Variants in PIK3C3 observed in about 807,000 individuals in gnomAD.
PIK3C3 encodes the protein PI3-kinase type 3.
In PIK3C3, 95 loss-of-function variants were observed where a neutral mutation model predicts 126.1. The ratio of observed to expected loss-of-function variants is 0.75; its 90% CI spans 0.64 to 0.89. PIK3C3 has a LOEUF of 0.89. PIK3C3 is among the 40% of genes least tolerant of loss of function. PIK3C3 has a pLI of 0.00. For missense variants in PIK3C3, 829 were observed against 1,063.2 expected (o/e 0.78, Z 3.06); for synonymous variants, 374 against 360.0 (o/e 1.04, Z -0.44).
At chr18:42,009,923 G>A (rs990939841) in intron 10 of PIK3C3, among the ~76,000 whole-genome samples, 1 of 152,118 alleles carries the variant, frequency 6.6e-6, no homozygotes, top group African/African-American at 2.4e-5. Context: ...AATGATCAGG[G>A]TGATGGTTGC....
Position 41,962,543 on chromosome 18 carries a change from C to T in PIK3C3, c.312C>T (p.Ala104=), listed in dbSNP as rs771160552. ...PVKYPDLPRN[A]QVALTIWDVY... The stretch of plus-strand genomic sequence containing the variant: ...AATACCCTGACCTGCCCAGGAATGC[C>T]CAAGTGGCCCTCACCATATGGGATG... The change falls in exon 3 of 25, where the codon GCC becomes GCT. Residue 104 remains alanine, a synonymous_variant. Transcript: ENST00000262039. 2 of 1,613,600 alleles carry T rather than the reference C, an allele frequency of 1.2e-6. No homozygotes were observed. Among genetic ancestry groups the T allele is most frequent in the South Asian group, 2.2e-5 (2 of 91,032 alleles).
At chr18:41,979,487 T>C (rs1452437828) in intron 4 of PIK3C3, among the ~76,000 whole-genome samples, 1 of 152,194 alleles carries the variant, frequency 6.6e-6, no homozygotes, top group Admixed American at 6.6e-5. Context: ...TGGACATCAG[T>C]TCTTATTACA....
chr18:42,064,693 C>T, intron 22 of PIK3C3, 47 bp from the exon 23 acceptor site: 2 of 872,326 alleles, frequency 2.3e-6, no homozygotes, highest in South Asian at 2.8e-5. Context: ...GAAAGAAATG[C>T]AGAATTCTTA....
At chr18:42,077,607 G>A (rs769085869) in intron 24 of PIK3C3, among the ~76,000 whole-genome samples, 8 of 152,156 alleles carry the variant, frequency 5.3e-5, no homozygotes, top group African/African-American at 1.9e-4. Context: ...CACATATTCA[G>A]GCTCCACTTC....
chr18:42,038,666 A>G (rs775891436), intron 17 of PIK3C3, 115 bp from the exon 18 acceptor site: 1 of 672,728 alleles, frequency 1.5e-6, no homozygotes, highest in Non-Finnish European at 2.6e-6. Flanking sequence ...TTTAAACTTA[A>G]TTTAGCTTAA....
chr18:42,029,073 A>G (rs1983701543), intron 14 of PIK3C3, among the ~76,000 whole-genome samples: 1 of 152,156 alleles, frequency 6.6e-6, no homozygotes, highest in Non-Finnish European at 1.5e-5. Context: ...TTTATGTGGG[A>G]AAAAAATGCG....
intron 21 of PIK3C3, chr18:42,050,479 A>G (rs967158662): frequency 6.6e-6 from 1 of 152,174 alleles, no homozygotes; most frequent in African/African-American, 2.4e-5. Flanking sequence ...CCAGTTGTAA[A>G]AGGTTGTCCT....
chr18:42,018,106 T>G (rs1983159322), intron 12 of PIK3C3, among the ~76,000 whole-genome samples: 1 of 151,830 alleles, frequency 6.6e-6, no homozygotes. Flanking sequence ...TTGTATACAC[T>G]CAGTAAATAT....
At chr18:41,997,454 GT>G (rs1473176457) in intron 9 of PIK3C3, among the ~76,000 whole-genome samples, 1 of 152,056 alleles carries the variant, frequency 6.6e-6, no homozygotes, top group Non-Finnish European at 1.5e-5. Flanking sequence ...GAGTCTTACT[GT>G]TGCCCCTAAG....
In PIK3C3 at chr18:42,013,612, G is replaced by A. The variant is rs748946579; in HGVS notation, c.1325+16G>A. 6.0e-5 allele frequency: 92 copies of A among 1,544,824 alleles called. No individual in the cohort carries two copies. Among genetic ancestry groups the A allele is most frequent in the Admixed American group, 2.9e-4 (14 of 48,538 alleles). ...AAATAGATAGGTATGGATATCCAGG[G>A]AGGACATATTTTCTAGTTTGTTAAT... is the stretch of plus-strand genomic sequence containing the variant. On this transcript the variant is annotated intron_variant, in intron 11 of 24. Transcript: ENST00000262039.
At chr18:42,006,575 C>T (rs1306637900) in intron 10 of PIK3C3, among the ~76,000 whole-genome samples, 1 of 152,068 alleles carries the variant, frequency 6.6e-6, no homozygotes, top group Admixed American at 6.6e-5. Flanking sequence ...TGAACATAAA[C>T]TCAGGTGTGA....
chr18:41,958,644 ATCTG>A (rs569967531), intron 2 of PIK3C3, among the ~76,000 whole-genome samples: 17 of 152,090 alleles, frequency 1.1e-4, no homozygotes, highest in Admixed American at 2.0e-4. Context: ...GTGGAGAGAT[ATCTG>A]TCTGTCTGTC....
intron 3 of PIK3C3, among the ~76,000 whole-genome samples, chr18:41,967,651 G>T (rs368230054): frequency 2.0e-5 from 3 of 152,320 alleles, no homozygotes; most frequent in East Asian, 3.9e-4. Flanking sequence ...ATACTGATTT[G>T]TTAGGGATAA....
At chr18:42,008,601 A>G (rs1982660069) in intron 10 of PIK3C3, among the ~76,000 whole-genome samples, 1 of 152,170 alleles carries the variant, frequency 6.6e-6, no homozygotes, top group African/African-American at 2.4e-5. Flanking sequence ...CTCTTGAGAA[A>G]AATGGTGATC....
At chr18:42,072,777 C>A (rs1985829979) in intron 24 of PIK3C3, among the ~76,000 whole-genome samples, 1 of 152,162 alleles carries the variant, frequency 6.6e-6, no homozygotes, top group Non-Finnish European at 1.5e-5. Flanking sequence ...CTCAAGCAAT[C>A]CTCCTGCCTC....
At chr18:42,080,055 C>T (rs1389936657) in intron 24 of PIK3C3, among the ~76,000 whole-genome samples, 1 of 150,166 alleles carries the variant, frequency 6.7e-6, no homozygotes, top group Admixed American at 6.7e-5. Flanking sequence ...TAATTTGGTC[C>T]TCGGGCATTT....
intron 1 of PIK3C3, 62 bp from the exon 2 acceptor site, chr18:41,957,508 A>G: frequency 1.3e-6 from 2 of 1,490,358 alleles, no homozygotes; most frequent in Non-Finnish European, 1.8e-6. Flanking sequence ...CTTAGTACTT[A>G]TGTATATATG....
At chr18:42,037,336 G>A (rs916483377) in intron 16 of PIK3C3, among the ~76,000 whole-genome samples, 2 of 152,196 alleles carry the variant, frequency 1.3e-5, no homozygotes, top group Non-Finnish European at 2.9e-5. Flanking sequence ...GACCTGTATA[G>A]TTTCTGATTG....
chr18:42,079,871 C>T (rs1007306436), intron 24 of PIK3C3, among the ~76,000 whole-genome samples: 3 of 152,070 alleles, frequency 2.0e-5, no homozygotes, highest in African/African-American at 7.2e-5. Context: ...TCTGTTGATT[C>T]ACCGCCGCTA....
Sources: allele counts gnomAD v4.1 joint callset (sites outside exome capture counted in the v4.1 genomes callset), GRCh38; gene constraint gnomAD v4.1.1; transcripts MANE v1.5; gene names NCBI Gene and HGNC (gene_info 2026-07-23, HGNC 2026-07-21).